GPC5: variants seen among roughly 807,000 people sequenced by gnomAD.
GPC5 encodes glypican 5, also known as glypican-5.
In GPC5, 47 loss-of-function variants were observed where a neutral mutation model predicts 53.9. The ratio of observed to expected loss-of-function variants is 0.87; its 90% CI spans 0.69 to 1.11. The LOEUF is 1.11. Among genes scored for constraint, GPC5 ranks in the 50% most tolerant of loss-of-function variants. GPC5 has a pLI of 0.00. For missense variants in GPC5, 748 were observed against 713.1 expected, an observed-to-expected ratio of 1.05 and a Z score of -0.56; for synonymous variants, 286 against 263.3, an observed-to-expected ratio of 1.09 and a Z score of -0.84.
intron 2 of GPC5, among the ~76,000 whole-genome samples, chr13:91,621,761 T>TATATATATATATATATATA (rs11462875): frequency 0.037 from 1,728 of 46,372 alleles, 473 homozygotes; most frequent in Non-Finnish European, 0.05. Flanking sequence ...GGACAGAACA[T>TATATATATATATATATATA]TATATATATA....
intron 7 of GPC5, among the ~76,000 whole-genome samples, chr13:92,391,409 A>T (rs1874997400): frequency 6.6e-6 from 1 of 152,150 alleles, no homozygotes; most frequent in African/African-American, 2.4e-5. Flanking sequence ...AATTTCACAC[A>T]GTAATTTGCT....
intron 7 of GPC5, among the ~76,000 whole-genome samples, chr13:92,194,280 T>C (rs2042242922): frequency 6.6e-6 from 1 of 152,140 alleles, no homozygotes; most frequent in Admixed American, 6.5e-5. Context: ...ATGCAAATAG[T>C]GAGTACCTCC....
chr13:92,816,457 T>C (rs928415575), intron 7 of GPC5, among the ~76,000 whole-genome samples: 1 of 152,076 alleles, frequency 6.6e-6, no homozygotes, highest in African/African-American at 2.4e-5. Context: ...ATTTGTTAGT[T>C]GCCTGGTGGG....
chr13:92,438,860 C>T (rs200567014), intron 7 of GPC5, among the ~76,000 whole-genome samples: 2 of 152,116 alleles, frequency 1.3e-5, no homozygotes, highest in East Asian at 3.9e-4. Flanking sequence ...GGATGATGGG[C>T]TATTTTCTGA....
intron 1 of GPC5, among the ~76,000 whole-genome samples, chr13:91,435,523 C>T (rs1198887041): frequency 6.6e-6 from 1 of 152,100 alleles, no homozygotes; most frequent in Non-Finnish European, 1.5e-5. Flanking sequence ...GCCTTGCATC[C>T]CAGGGATGAA....
Position 92,309,796 on chromosome 13 carries a change from G to A in GPC5, c.1561+164807G>A, listed in dbSNP as rs554133212. On this transcript the variant is annotated intron_variant, in intron 7 of 7. Transcript: ENST00000377067. ...CTGAGCAATTTGCAAGTGCACAATA[G>A]AATATTATTACTTATATTCATCATG... is the stretch of plus-strand genomic sequence containing the variant. 4.1e-4 allele frequency among the ~76,000 whole-genome samples: 63 copies of A among 152,140 alleles called. No homozygotes were observed. In the South Asian group the frequency reaches 0.012, roughly 30 times the overall value.
chr13:91,786,644 T>C (rs1213924554), intron 5 of GPC5, among the ~76,000 whole-genome samples: 2 of 152,206 alleles, frequency 1.3e-5, no homozygotes, highest in Non-Finnish European at 2.9e-5. Flanking sequence ...TGGTCATAAA[T>C]ATTTCTCCTA....
chr13:92,465,389 A>G (rs920042718), intron 7 of GPC5, among the ~76,000 whole-genome samples: 4 of 152,100 alleles, frequency 2.6e-5, no homozygotes, highest in African/African-American at 9.6e-5. Context: ...TGAAGATTAT[A>G]TTCTTTAAGA....
intron 6 of GPC5, among the ~76,000 whole-genome samples, chr13:91,915,482 T>C (rs758824503): frequency 1.3e-5 from 2 of 152,128 alleles, no homozygotes; most frequent in South Asian, 4.1e-4. Context: ...TTGATTAAAG[T>C]ATGTAATTGT....
At chr13:92,653,544 T>C (rs1886028107) in intron 7 of GPC5, among the ~76,000 whole-genome samples, 1 of 152,184 alleles carries the variant, frequency 6.6e-6, no homozygotes, top group Non-Finnish European at 1.5e-5. Flanking sequence ...ATAGAAAGCA[T>C]ATTCAAAGGG....
chr13:92,059,042 C>G (rs1594747568), intron 6 of GPC5, among the ~76,000 whole-genome samples: 2 of 152,150 alleles, frequency 1.3e-5, no homozygotes, highest in African/African-American at 4.8e-5. Flanking sequence ...TAAAACTGTA[C>G]ATTTTATCTA....
Position 92,364,992 on chromosome 13 carries a change from T to C in GPC5, c.1561+220003T>C, listed in dbSNP as rs1470484265. ...TTCCTTAAACTCTTTTCCTCTGTCA[T>C]AGGGAGTATATCCCCATGTGAATAA... is the stretch of plus-strand genomic sequence containing the variant. On this transcript the variant is annotated intron_variant, in intron 7 of 7. Transcript: ENST00000377067. Among the ~76,000 whole-genome samples the C allele has an allele frequency of 2.6e-5, 4 of 151,740 alleles. 1 individual carries two copies. The highest frequency in any genetic ancestry group is 5.9e-5 in the Non-Finnish European group (4 of 68,030).
intron 7 of GPC5, among the ~76,000 whole-genome samples, chr13:92,161,169 A>C (rs570832236): frequency 3.9e-5 from 6 of 152,284 alleles, no homozygotes; most frequent in African/African-American, 1.4e-4. Flanking sequence ...TATAACCTGC[A>C]TCAGAATGAC....
chr13:92,163,423 T>C (rs1332892264), intron 7 of GPC5, among the ~76,000 whole-genome samples: 1 of 140,830 alleles, frequency 7.1e-6, no homozygotes, highest in East Asian at 2.0e-4. Context: ...ATTGCACCAC[T>C]GCAGTCCTGC....
intron 6 of GPC5, among the ~76,000 whole-genome samples, chr13:91,947,646 G>A (rs564978083): frequency 1.3e-5 from 1 of 79,078 alleles, no homozygotes; most frequent in African/African-American, 3.1e-5. Context: ...TTGAGAGCAC[G>A]ACTGAGGAAA....
intron 7 of GPC5, among the ~76,000 whole-genome samples, chr13:92,232,721 T>G (rs2042540250): frequency 6.6e-6 from 1 of 152,208 alleles, no homozygotes; most frequent in Non-Finnish European, 1.5e-5. Context: ...TGTAAAAATA[T>G]TTCTAAGGTA....
At chr13:91,761,628 T>G (rs1192227955) in intron 5 of GPC5, among the ~76,000 whole-genome samples, 2 of 152,156 alleles carry the variant, frequency 1.3e-5, no homozygotes, top group East Asian at 3.9e-4. Context: ...GTTTACCAGT[T>G]TTTTATCAAG....
intron 7 of GPC5, among the ~76,000 whole-genome samples, chr13:92,557,353 G>A (rs1320917173): frequency 6.6e-6 from 1 of 151,910 alleles, no homozygotes; most frequent in Non-Finnish European, 1.5e-5. Flanking sequence ...AGGAGTTTGG[G>A]AGGAGCACTG....
intron 6 of GPC5, among the ~76,000 whole-genome samples, chr13:92,048,930 C>T (rs1315037942): frequency 6.6e-6 from 1 of 152,116 alleles, no homozygotes; most frequent in Non-Finnish European, 1.5e-5. Context: ...TTAGAATAAT[C>T]ATGATTTCAG....
Sources: allele counts gnomAD v4.1 joint callset (sites outside exome capture counted in the v4.1 genomes callset), GRCh38; gene constraint gnomAD v4.1.1; transcripts MANE v1.5; gene names NCBI Gene and HGNC (gene_info 2026-07-23, HGNC 2026-07-21).